The following TMEM131L variants were observed in gnomAD, a reference collection of about 807,000 sequenced individuals.
The protein encoded by TMEM131L is transmembrane 131 like.
A neutral mutation model predicts 192.2 loss-of-function variants in TMEM131L; 54 were observed. That is an observed-to-expected ratio of 0.28 (90% CI 0.23 to 0.35). The LOEUF (loss-of-function observed/expected upper bound fraction) is 0.35. Among genes scored for constraint, TMEM131L ranks in the 10% least tolerant of loss-of-function variants. TMEM131L has a pLI of 1.00. For synonymous variants in TMEM131L, 701 were observed against 704.9 expected, an observed-to-expected ratio of 0.99 and a Z score of 0.09; for missense variants, 1,888 against 1,972.9, an observed-to-expected ratio of 0.96 and a Z score of 0.82.
intron 19 of TMEM131L, 31 bp downstream of exon 19, chr4:153,593,902 A>G (rs544555240): frequency 6.8e-7 from 1 of 1,474,488 alleles, no homozygotes; most frequent in African/African-American, 1.4e-5. Context: ...AGAAAAAAGA[A>G]TGCCGACAAA....
chr4:153,636,555 G>T lies in TMEM131L; in HGVS notation c.4812G>T (p.Ser1604=). The change falls in exon 35 of 35, where the codon TCG becomes TCT. Residue 1604 remains serine, a synonymous_variant. Transcript: ENST00000409959. ...CAAATTTCCCACTGTCTAGAGACTC[G>T]AGTTACTGTGGGAATGTGTGAAAAT... ...RNANFPLSRD[S]SYCGNV The T allele has an allele frequency of 6.2e-7, 1 of 1,613,380 alleles. No homozygotes were observed. Among genetic ancestry groups the T allele is most frequent in the African/African-American group, 1.3e-5 (1 of 75,048 alleles).
At chr4:153,590,949 G>A in intron 16 of TMEM131L, 104 bp from the exon 17 acceptor site, 1 of 706,644 alleles carries the variant, frequency 1.4e-6, no homozygotes, top group Non-Finnish European at 2.0e-6. Flanking sequence ...TTTCCTTTAA[G>A]TGGGAATAGT....
chr4:153,538,685 C>T (rs1383363566), intron 3 of TMEM131L, among the ~76,000 whole-genome samples: 2 of 152,334 alleles, frequency 1.3e-5, no homozygotes, highest in Admixed American at 6.5e-5. Flanking sequence ...TGAGCAGCTG[C>T]TGCTGGCAAT....
chr4:153,581,032 T>A, intron 8 of TMEM131L, 129 bp downstream of exon 8: 3 of 627,034 alleles, frequency 4.8e-6, no homozygotes, highest in Non-Finnish European at 8.5e-6. Flanking sequence ...GGCGAGTGGA[T>A]CACGAGGTCA....
intron 4 of TMEM131L, among the ~76,000 whole-genome samples, chr4:153,551,621 G>A (rs994303552): frequency 6.6e-5 from 10 of 152,050 alleles, no homozygotes; most frequent in African/African-American, 2.4e-4. Context: ...CTCTCAGAGT[G>A]CTGGGATTAC....
At chr4:153,487,535 G>GTC (rs1732424632) in intron 3 of TMEM131L, among the ~76,000 whole-genome samples, 1 of 152,118 alleles carries the variant, frequency 6.6e-6, no homozygotes, top group Non-Finnish European at 1.5e-5. Context: ...ACCTTCTGAG[G>GTC]GAGAATTCAT....
chr4:153,583,239 A>G lies in TMEM131L; in HGVS notation c.942A>G (p.Ile314Met). Reference protein sequence around the residue: ...MYILHSGNSLIWIQDIRHFSQ... With the variant: ...MYILHSGNSLMWIQDIRHFSQ... ...TATTACATTCAGGAAACAGCCTTAT[A>G]TGGATACAGGTAATTGTAAATGCTT... Residue 314 changes from isoleucine to methionine, a missense_variant, in exon 10 of 35, where the codon ATA becomes ATG. Physicochemically the swap from Ile to Met is conservative, Grantham distance 10 (BLOSUM62 1). Transcript: ENST00000409959. The G allele has an allele frequency of 1.4e-6, 2 of 1,422,340 alleles. No homozygotes were observed. The highest frequency in any genetic ancestry group is 2.0e-6 in the Non-Finnish European group (2 of 1,005,618). The allele number at this position is 1,422,340 out of a possible 1,614,324, so 88.1% of individuals were successfully genotyped here. A position where few individuals can be genotyped will look rare whatever the true frequency, so the allele number is the denominator to read the frequency against.
intron 3 of TMEM131L, among the ~76,000 whole-genome samples, chr4:153,476,556 G>A (rs1016448290): frequency 6.6e-6 from 1 of 152,088 alleles, no homozygotes; most frequent in Non-Finnish European, 1.5e-5. Flanking sequence ...AATTAGCCAG[G>A]TGTGGTGGTG....
chr4:153,580,680 A>G (rs1041579517), intron 7 of TMEM131L, 146 bp from the exon 8 acceptor site: 2 of 578,266 alleles, frequency 3.5e-6, no homozygotes, highest in East Asian at 5.9e-5. Context: ...CACTAAAAAG[A>G]ATAATGCCCA....
intron 3 of TMEM131L, among the ~76,000 whole-genome samples, chr4:153,486,142 A>G (rs113235422): frequency 0.035 from 5,269 of 152,282 alleles, 130 homozygotes; most frequent in Non-Finnish European, 0.053. Flanking sequence ...TATGGTTCCT[A>G]GCAAATCCCT....
chr4:153,630,859 G>C (rs1734161964), intron 31 of TMEM131L, among the ~76,000 whole-genome samples: 1 of 152,212 alleles, frequency 6.6e-6, no homozygotes, highest in African/African-American at 2.4e-5. Context: ...GGCCGCAGTG[G>C]AGAACATACC....
chr4:153,573,275 C>G (rs892747232), intron 7 of TMEM131L, among the ~76,000 whole-genome samples: 12 of 152,258 alleles, frequency 7.9e-5, no homozygotes, highest in African/African-American at 2.9e-4. Flanking sequence ...CACAGCGATG[C>G]CTGCTTAAGT....
At chr4:153,488,422 G>A (rs114627537) in intron 3 of TMEM131L, among the ~76,000 whole-genome samples, 1 of 152,096 alleles carries the variant, frequency 6.6e-6, no homozygotes, top group Admixed American at 6.5e-5. Context: ...AGTGGGGACC[G>A]GGCCCTGGTG....
In TMEM131L at chr4:153,603,901, T is replaced by A; in HGVS notation, c.2889T>A (p.Asn963Lys). 6.2e-7 allele frequency: 1 copy of A among 1,614,146 alleles called. No homozygotes were observed. Among genetic ancestry groups the A allele is most frequent in the Non-Finnish European group, 8.5e-7 (1 of 1,180,008 alleles). Residue 963 changes from asparagine (N) to lysine (K), a missense_variant, in exon 25 of 35, where the codon AAT becomes AAA. Transcript: ENST00000409959. ...ACACTCCCCAAAGCAGGATCCAGAATGCTGCAAAGAGGAGCCCAGCCACCT... is the reference window on the plus strand; with the variant it reads ...ACACTCCCCAAAGCAGGATCCAGAAAGCTGCAAAGAGGAGCCCAGCCACCT... ...PVNTPQSRIQ[N>K]AAKRSPATYG...
intron 26 of TMEM131L, among the ~76,000 whole-genome samples, chr4:153,617,271 C>T (rs563798895): frequency 1.6e-4 from 24 of 152,314 alleles, no homozygotes; most frequent in Non-Finnish European, 3.2e-4. Context: ...CCTCCCTAGC[C>T]ACATGGAACT....
chr4:153,568,547 TAG>T (rs1729375948), intron 7 of TMEM131L, among the ~76,000 whole-genome samples: 1 of 152,250 alleles, frequency 6.6e-6, no homozygotes, highest in Non-Finnish European at 1.5e-5. Flanking sequence ...TTTTCTGTAC[TAG>T]ATTTAACCCC....
intron 31 of TMEM131L, among the ~76,000 whole-genome samples, chr4:153,630,084 T>C (rs546982608): frequency 7.2e-5 from 11 of 152,314 alleles, no homozygotes; most frequent in Middle Eastern, 3.4e-3. Context: ...AAGGAGCCAG[T>C]GTTGCTTCTC....
intron 7 of TMEM131L, among the ~76,000 whole-genome samples, chr4:153,567,234 TAAC>T (rs1348367485): frequency 1.3e-5 from 2 of 151,616 alleles, no homozygotes; most frequent in African/African-American, 2.4e-5. Flanking sequence ...GAAAAAGAGA[TAAC>T]AGAGAAAGGT....
intron 3 of TMEM131L, among the ~76,000 whole-genome samples, chr4:153,535,199 A>C (rs958569724): frequency 1.3e-5 from 2 of 152,092 alleles, no homozygotes; most frequent in Admixed American, 6.5e-5. Context: ...GGGTGTGAGA[A>C]AGAGAACAGT....
Sources: gnomAD v4.1 joint callset for allele counts (sites outside exome capture counted in the v4.1 genomes callset) on GRCh38, gnomAD v4.1.1 for gene constraint, MANE v1.5 for transcripts, NCBI Gene and HGNC (gene_info 2026-07-23, HGNC 2026-07-21) for gene names.